The following C6orf132 variants were observed in gnomAD, a reference collection of about 807,000 sequenced individuals.
C6orf132 encodes the protein chromosome 6 open reading frame 132.
C6orf132 carries 43 observed loss-of-function variants against 65.3 expected under a neutral mutation model. The ratio of observed to expected loss-of-function variants is 0.66; its 90% CI spans 0.52 to 0.85. C6orf132 has a LOEUF of 0.85. Ranked by LOEUF, C6orf132 falls within the 40% of genes least tolerant of loss-of-function variation. The probability of loss-of-function intolerance (pLI) is 0.00; values close to 1 mark genes in which losing one functional copy is unlikely to be tolerated. For synonymous variants in C6orf132, 631 were observed against 654.1 expected (o/e 0.96, Z 0.54); for missense variants, 1,488 against 1,548.8 (o/e 0.96, Z 0.66).
Position 42,142,570 on chromosome 6 carries a change from G to A in C6orf132, c.-126C>T. On this transcript the variant is annotated 5_prime_UTR_variant, in exon 1 of 5. Coordinates refer to ENST00000341865, the MANE Select transcript of C6orf132 (RefSeq NM_001164446.3). Reference sequence around the variant, plus strand: ...GGCCATGTCCCCCGCCGTCCTCCCCGCCCGCGCACCGGGCAACAGGTGCTG... The same window carrying A: ...GGCCATGTCCCCCGCCGTCCTCCCCACCCGCGCACCGGGCAACAGGTGCTG... 3.3e-6 allele frequency: 2 copies of A among 610,362 alleles called. No homozygotes were observed. Among genetic ancestry groups the A allele is most frequent in the Admixed American group, 4.6e-5 (1 of 21,518 alleles). The allele number at this position is 610,362 out of a possible 1,614,324, so 37.8% of individuals were successfully genotyped here.
intron 2 of C6orf132, among the ~76,000 whole-genome samples, chr6:42,119,268 A>G (rs1766639918): frequency 6.7e-6 from 1 of 148,604 alleles, no homozygotes; most frequent in African/African-American, 2.5e-5. Flanking sequence ...AAAAAAAAAA[A>G]AAAAAAAGGG....
At chr6:42,107,641 T>G (rs1766435744) in intron 3 of C6orf132, 58 bp from the exon 4 acceptor site, 1 of 1,547,904 alleles carries the variant, frequency 6.5e-7, no homozygotes, top group Non-Finnish European at 8.7e-7. Flanking sequence ...GCCCTGCCAA[T>G]TTCTGTTTAC....
rs1766297908 is a variant in C6orf132 at position 42,102,199 on chromosome 6, T to TACTGATAGGTCTCCCC, written c.*1546_*1561dup. The TACTGATAGGTCTCCCC allele has an allele frequency of 6.8e-6, 1 of 148,040 alleles. No individual in the cohort carries two copies. Among genetic ancestry groups the TACTGATAGGTCTCCCC allele is most frequent in the Non-Finnish European group, 1.5e-5 (1 of 67,174 alleles). The allele number at this position is 148,040 out of a possible 1,614,324, so 9.2% of individuals were successfully genotyped here. On this transcript the variant is annotated 3_prime_UTR_variant, in exon 5 of 5. Coordinates refer to ENST00000341865, the MANE Select transcript of C6orf132 (RefSeq NM_001164446.3). ...CCAGGCAAAGGACACGTGGTCACCC[T>TACTGATAGGTCTCCCC]ACTGATAGGTCTCCCCTGCTCCTTT...
In C6orf132 at chr6:42,134,581, C is replaced by A. The variant is rs571011515; in HGVS notation, c.146-5803G>T. Among the ~76,000 whole-genome samples the A allele has an allele frequency of 3.3e-5, 5 of 152,248 alleles. 1 individual carries two copies. In the South Asian group the frequency reaches 8.3e-4, roughly 25 times the overall value. On this transcript the variant is annotated intron_variant, in intron 1 of 4. Coordinates refer to ENST00000341865, the MANE Select transcript of C6orf132 (RefSeq NM_001164446.3). ...CTGAGGTCAAGAGTTCAAGACCAGC[C>A]TGGCCAACACGGTGAAACCCCGTCT...
intron 2 of C6orf132, among the ~76,000 whole-genome samples, chr6:42,125,135 C>A (rs1281042864): frequency 6.6e-6 from 1 of 152,012 alleles, no homozygotes; most frequent in African/African-American, 2.4e-5. Flanking sequence ...GAGAGGCAGG[C>A]AAGGGAGGTG....
chr6:42,114,384 C>T (rs1345124397), intron 2 of C6orf132, among the ~76,000 whole-genome samples: 1 of 152,022 alleles, frequency 6.6e-6, no homozygotes, highest in Non-Finnish European at 1.5e-5. Flanking sequence ...GTCTCTCTGG[C>T]TCTCCAAGCC....
intron 1 of C6orf132, among the ~76,000 whole-genome samples, chr6:42,132,301 G>A (rs962111955): frequency 4.0e-5 from 6 of 151,720 alleles, no homozygotes; most frequent in African/African-American, 9.7e-5. Flanking sequence ...GGATCACAAG[G>A]TCAGGAGATC....
At chr6:42,134,555 C>A (rs772954955) in intron 1 of C6orf132, among the ~76,000 whole-genome samples, 13 of 152,022 alleles carry the variant, frequency 8.6e-5, no homozygotes, top group Admixed American at 6.6e-4. Flanking sequence ...GGGTGGATCA[C>A]CTGAGGTCAA....
intron 1 of C6orf132, among the ~76,000 whole-genome samples, chr6:42,130,629 C>T (rs1432349821): frequency 2.0e-5 from 3 of 152,094 alleles, no homozygotes; most frequent in Admixed American, 6.6e-5. Context: ...GAGCCTCCTT[C>T]CTACAGTTGT....
chr6:42,134,709 G>A, intron 1 of C6orf132, among the ~76,000 whole-genome samples: 1 of 151,142 alleles, frequency 6.6e-6, no homozygotes, highest in East Asian at 1.9e-4. Context: ...GGGAGGCAGA[G>A]GTTGCAGTGA....
chr6:42,139,470 T>A (rs1767001216), intron 1 of C6orf132, among the ~76,000 whole-genome samples: 1 of 152,166 alleles, frequency 6.6e-6, no homozygotes, highest in Non-Finnish European at 1.5e-5. Flanking sequence ...GGCCATAAGG[T>A]CTCTTTTGTA....
rs1389287280 is a variant in C6orf132, at chr6:42,102,462, T to C, written c.*1299A>G. Reference sequence around the variant, plus strand: ...GGATGGTCTTAATCTCTTGACCTCATGATCCACCCGCCTCAGCCTCCCAAA... The same window carrying C: ...GGATGGTCTTAATCTCTTGACCTCACGATCCACCCGCCTCAGCCTCCCAAA... On this transcript the variant is annotated 3_prime_UTR_variant, in exon 5 of 5. Coordinates refer to ENST00000341865, the MANE Select transcript of C6orf132 (RefSeq NM_001164446.3). The C allele has an allele frequency of 6.6e-6, 1 of 151,836 alleles. No homozygotes were observed. Among genetic ancestry groups the C allele is most frequent in the Non-Finnish European group, 1.5e-5 (1 of 68,056 alleles). The allele number at this position is 151,836 out of a possible 1,614,324, so 9.4% of individuals were successfully genotyped here.
intron 2 of C6orf132, among the ~76,000 whole-genome samples, chr6:42,123,650 C>T (rs1766725089): frequency 6.6e-6 from 1 of 152,142 alleles, no homozygotes; most frequent in East Asian, 1.9e-4. Flanking sequence ...GCTCTCTGGG[C>T]CCAGTCTTCC....
chr6:42,107,081 C>CG lies in C6orf132; in HGVS notation c.830dup (p.Arg278GlufsTer5), dbSNP rs1464947767. 6.1e-6 allele frequency: 9 copies of CG among 1,468,318 alleles called. No homozygotes were observed. Among genetic ancestry groups the CG allele is most frequent in the African/African-American group, 2.9e-5 (2 of 69,768 alleles). 91.0% of individuals were successfully genotyped at this position (1,468,318 alleles called of 1,614,324 possible). On this transcript the variant is annotated frameshift_variant, in exon 4 of 5. Coordinates refer to ENST00000341865, the MANE Select transcript of C6orf132 (RefSeq NM_001164446.3). LOFTEE classifies it high-confidence loss of function. ...TCCCCTTTGGCTCAGCAGGGCTTCT[C>CG]GGGGGGCTGGCTCTGGTGGCCTCTG... is the stretch of plus-strand genomic sequence containing the variant.
At position 42,142,529 on chromosome 6, in the gene C6orf132, C is replaced by T. The variant is rs1419315074; in HGVS notation, c.-85G>A. The T allele has an allele frequency of 7.1e-7, 1 of 1,418,226 alleles. No homozygotes were observed. Among genetic ancestry groups the T allele is most frequent in the African/African-American group, 1.4e-5 (1 of 69,794 alleles). The allele number at this position is 1,418,226 out of a possible 1,614,324, so 87.9% of individuals were successfully genotyped here. On this transcript the variant is annotated 5_prime_UTR_variant, in exon 1 of 5. Transcript: ENST00000341865. Reference sequence around the variant, plus strand: ...CCGGACTGAACTCAGCACGGTCTCCCCAGGGGACTCTACCAGGCCATGTCC... The same window carrying T: ...CCGGACTGAACTCAGCACGGTCTCCTCAGGGGACTCTACCAGGCCATGTCC...
chr6:42,128,215 G>T (rs540183471), intron 2 of C6orf132, among the ~76,000 whole-genome samples: 2 of 151,792 alleles, frequency 1.3e-5, no homozygotes, highest in African/African-American at 2.4e-5. Flanking sequence ...GTGAGCCACC[G>T]CACTGGCCAC....
In C6orf132 at chr6:42,107,132, T is replaced by G. The variant is rs1336769675; in HGVS notation, c.780A>C (p.Ser260=). 7.0e-7 allele frequency: 1 copy of G among 1,438,442 alleles called. No homozygotes were observed. The highest frequency in any genetic ancestry group is 1.5e-5 in the South Asian group (1 of 67,992). 89.1% of individuals were successfully genotyped at this position (1,438,442 alleles called of 1,614,324 possible). ...FPPGGVTKWK[S]DVALNGRQAE... is the part of the protein sequence containing the mutation. ...CCTGCCTGCCATTCAGTGCTACATC[T>G]GATTTCCACTTGGTGACACCCCCAG... is the stretch of plus-strand genomic sequence containing the variant. Residue 260 remains serine, a synonymous_variant, in exon 4 of 5, where the codon TCA becomes TCC. Coordinates refer to ENST00000341865, the MANE Select transcript of C6orf132 (RefSeq NM_001164446.3).
chr6:42,116,277 A>G (rs764281417), intron 2 of C6orf132, among the ~76,000 whole-genome samples: 12 of 152,160 alleles, frequency 7.9e-5, no homozygotes, highest in Non-Finnish European at 1.3e-4. Flanking sequence ...ACAACAGCCC[A>G]ATGAGACAGG....
intron 2 of C6orf132, among the ~76,000 whole-genome samples, chr6:42,123,707 G>A (rs73432038): frequency 0.31 from 47,532 of 152,002 alleles, 8,206 homozygotes; most frequent in African/African-American, 0.44. Context: ...CCAGGCCTCC[G>A]ATGTTGTACC....
Sources: allele counts gnomAD v4.1 joint callset (sites outside exome capture counted in the v4.1 genomes callset), GRCh38; gene constraint gnomAD v4.1.1; transcripts MANE v1.5; gene names NCBI Gene and HGNC (gene_info 2026-07-23, HGNC 2026-07-21).